The following KLK8 variants were observed in gnomAD, a reference collection of about 807,000 sequenced individuals.
KLK8 encodes the protein kallikrein related peptidase 8, also known as kallikrein-8.
A neutral mutation model predicts 26.7 loss-of-function variants in KLK8; 18 were observed. The ratio of observed to expected loss-of-function variants is 0.67; its 90% CI spans 0.47 to 1.00. KLK8 has a LOEUF of 1.00. Among genes scored for constraint, KLK8 ranks in the 50% least tolerant of loss-of-function variants. The probability of loss-of-function intolerance (pLI) is 0.00; values close to 1 mark genes in which losing one functional copy is unlikely to be tolerated. For missense variants in KLK8, 301 were observed against 331.7 expected (o/e 0.91, Z 0.72); for synonymous variants, 137 against 127.1 (o/e 1.08, Z -0.52).
chr19:50,998,962 G>A (rs55699222), intron 5 of KLK8: 1 of 152,162 alleles, frequency 6.6e-6, no homozygotes, highest in African/African-American at 2.4e-5. Context: ...CTTGATTTGC[G>A]AGCACGTGTG....
At chr19:50,997,996 C>A in intron 5 of KLK8, 112 bp from the exon 5 acceptor site, 1 of 1,361,038 alleles carries the variant, frequency 7.3e-7, no homozygotes, top group South Asian at 1.3e-5. Flanking sequence ...TTTCCAGCTG[C>A]ATGGGGGAAT....
At chr19:50,996,079 T>G in exon 7 of KLK8, 1 of 1,614,208 alleles carries the variant, frequency 6.2e-7, no homozygotes. Context: ...CTGCCTATGA[T>G]CTTCTTGATC....
intron 6 of KLK8, 134 bp downstream of exon 5, chr19:50,997,617 T>TA (rs1285376958): frequency 9.7e-7 from 1 of 1,032,968 alleles, no homozygotes; most frequent in African/African-American, 1.6e-5. Context: ...TCCCAATCCG[T>TA]AGAGATAGGG....
intron 3 of KLK8, 146 bp downstream of exon 2, chr19:51,000,952 A>G: frequency 3.6e-6 from 3 of 834,340 alleles, no homozygotes; most frequent in Non-Finnish European, 5.5e-6. Context: ...CCCTGAGGAA[A>G]GCCCACAGAG....
At chr19:50,996,168 A>G in exon 7 of KLK8, 1 of 1,614,216 alleles carries the variant, frequency 6.2e-7, no homozygotes, top group African/African-American at 1.3e-5. Flanking sequence ...CCAGGATGTG[A>G]TGCCCTGGAG....
rs1600125112 is a variant in KLK8 at position 51,000,357 on chromosome 19, T to G, written c.230+67A>C. ...GTCCAGTCCTCAGCTCTCTCCTTCC[T>G]GAGTCGAAACCCCAGCCCCCTCTTT... On this transcript the variant is annotated intron_variant, in intron 4 of 6. Coordinates refer to ENST00000600767, the Ensembl canonical transcript of KLK8. 33 of 1,545,316 alleles carry G rather than the reference T, an allele frequency of 2.1e-5. 1 individual carries two copies. The South Asian group carries it at 3.8e-4, about 18-fold the overall frequency.
intron 3 of KLK8, chr19:51,000,818 G>A (rs10415816): frequency 0.02 from 25,470 of 1,242,532 alleles, 595 homozygotes; most frequent in African/African-American, 0.1. Context: ...TACAGGCCCC[G>A]AGTACTCCCA....
exon 7 of KLK8, chr19:50,996,040 T>C (rs1213371088): frequency 6.2e-7 from 1 of 1,613,428 alleles, no homozygotes; most frequent in Non-Finnish European, 8.5e-7. Context: ...TTAAGGGAGA[T>C]CTAGTGCTTA....
chr19:50,997,628 G>T (rs541224828), intron 6 of KLK8, 123 bp downstream of exon 5: 2 of 1,182,668 alleles, frequency 1.7e-6, no homozygotes, highest in African/African-American at 1.5e-5. Context: ...AGAGATAGGG[G>T]TGAACACTCC....
intron 6 of KLK8, 127 bp downstream of exon 5, chr19:50,997,623 TA>T: frequency 9.2e-7 from 1 of 1,092,300 alleles, no homozygotes. Flanking sequence ...TCCGTAGAGA[TA>T]GGGGTGAACA....
At chr19:51,000,963 G>C in intron 3 of KLK8, 135 bp downstream of exon 2, 1 of 882,914 alleles carries the variant, frequency 1.1e-6, no homozygotes, top group Non-Finnish European at 1.7e-6. Context: ...GCCCACAGAG[G>C]CTCCTGCACC....
intron 6 of KLK8, 133 bp from the exon 6 acceptor site, chr19:50,996,347 C>T: frequency 1.1e-6 from 1 of 902,138 alleles, no homozygotes; most frequent in South Asian, 1.6e-5. Flanking sequence ...GCATTGTCCC[C>T]TGAGACCAGT....
chr19:51,000,128 G>C (rs1480095002), exon 5 of KLK8: 1 of 1,614,100 alleles, frequency 6.2e-7, no homozygotes, highest in Non-Finnish European at 8.5e-7. Flanking sequence ...AGAAGCATCA[G>C]ATCATGGTTG....
chr19:50,996,893 GACAC>G (rs368604260), intron 6 of KLK8, among the ~76,000 whole-genome samples: 7,729 of 81,080 alleles, frequency 0.095, 212 homozygotes, highest in South Asian at 0.15. Flanking sequence ...GATTCTTATG[GACAC>G]ACACACACAC....
At chr19:50,996,304 A>G in intron 6 of KLK8, 90 bp from the exon 6 acceptor site, 1 of 1,437,760 alleles carries the variant, frequency 7.0e-7, no homozygotes, top group Non-Finnish European at 9.6e-7. Context: ...GTTCTTTGGC[A>G]TGATTGGTCC....
Position 50,999,583 on chromosome 19 carries a change from C to CAA in KLK8, c.493+411_493+412dup, listed in dbSNP as rs56988162. On this transcript the variant is annotated intron_variant, in intron 5 of 6. Coordinates refer to ENST00000600767, the Ensembl canonical transcript of KLK8. ...GATTGAGTGAAACTGTGTCCCCCTGCAAAAAAAAAAAAAAAAAAAAAAAAA... is the reference window on the plus strand; with the variant it reads ...GATTGAGTGAAACTGTGTCCCCCTGCAAAAAAAAAAAAAAAAAAAAAAAAAAA... Among the ~76,000 whole-genome samples the CAA allele has an allele frequency of 3.0e-3, 91 of 30,286 alleles. 29 individuals carry two copies. Among genetic ancestry groups the CAA allele is most frequent in the East Asian group, 6.0e-3 (2 of 336 alleles). The allele number at this position is 30,286 out of a possible 152,430, so 19.9% of individuals were successfully genotyped here. A position where few individuals can be genotyped will look rare whatever the true frequency, so the allele number is the denominator to read the frequency against.
At chr19:50,996,016 G>T (rs2091162010) in exon 7 of KLK8, 1 of 1,602,088 alleles carries the variant, frequency 6.2e-7, no homozygotes, top group African/African-American at 1.3e-5. Flanking sequence ...AGGAACCAGA[G>T]AGTTGTGAGT....
chr19:51,000,348 T>G, intron 4 of KLK8, 76 bp downstream of exon 3: 1 of 1,541,160 alleles, frequency 6.5e-7, no homozygotes, highest in Non-Finnish European at 8.8e-7. Flanking sequence ...TCCTCAGCTC[T>G]CTCCTTCCTG....
intron 4 of KLK8, 75 bp downstream of exon 3, chr19:51,000,349 C>T (rs2091210846): frequency 1.6e-5 from 24 of 1,546,654 alleles, no homozygotes; most frequent in Non-Finnish European, 2.1e-5. Flanking sequence ...CCTCAGCTCT[C>T]TCCTTCCTGA....
Sources: allele counts gnomAD v4.1 joint callset (sites outside exome capture counted in the v4.1 genomes callset), GRCh38; gene constraint gnomAD v4.1.1; transcripts MANE v1.5; gene names NCBI Gene and HGNC (gene_info 2026-07-23, HGNC 2026-07-21).